Variants in ROR1 observed in about 807,000 individuals in gnomAD.
ROR1 encodes inactive tyrosine-protein kinase transmembrane receptor ROR1.
ROR1 carries 19 observed loss-of-function variants against 78.8 expected under a neutral mutation model. That is an observed-to-expected ratio of 0.24 (90% CI 0.17 to 0.35). The LOEUF is 0.35. Ranked by LOEUF, ROR1 falls within the 10% of genes least tolerant of loss-of-function variation. The pLI, the probability that ROR1 is intolerant of heterozygous loss-of-function variation, is 1.00. For synonymous variants in ROR1, 386 were observed against 433.6 expected (o/e 0.89, Z 1.36); for missense variants, 917 against 1,177.8 (o/e 0.78, Z 3.24).
At chr1:64,064,481 G>C (rs1646941253) in intron 4 of ROR1, among the ~76,000 whole-genome samples, 1 of 152,210 alleles carries the variant, frequency 6.6e-6, no homozygotes, top group African/African-American at 2.4e-5. Context: ...GCCTGCAGAG[G>C]TCATCTGCCT....
chr1:63,796,796 T>G (rs1644763927), intron 1 of ROR1, among the ~76,000 whole-genome samples: 1 of 151,964 alleles, frequency 6.6e-6, no homozygotes, highest in South Asian at 2.1e-4. Flanking sequence ...AGAGTCGAGG[T>G]GACTGAAGGT....
chr1:63,835,223 T>A (rs1311649551), intron 1 of ROR1, among the ~76,000 whole-genome samples: 1 of 152,236 alleles, frequency 6.6e-6, no homozygotes, highest in Non-Finnish European at 1.5e-5. Context: ...GAGCCCTTGC[T>A]CACTCATTTT....
intron 1 of ROR1, among the ~76,000 whole-genome samples, chr1:63,925,695 TG>T (rs1327453878): frequency 2.0e-5 from 3 of 150,366 alleles, no homozygotes; most frequent in East Asian, 3.9e-4. Context: ...GACTTTTTAA[TG>T]ATTGCCATTC....
intron 2 of ROR1, among the ~76,000 whole-genome samples, chr1:64,020,109 G>A (rs1403872489): frequency 6.6e-6 from 1 of 152,194 alleles, no homozygotes; most frequent in African/African-American, 2.4e-5. Flanking sequence ...CCACCAGAAA[G>A]AGTGTGGCTC....
At chr1:64,038,838 T>C (rs1416848444) in intron 2 of ROR1, among the ~76,000 whole-genome samples, 1 of 152,208 alleles carries the variant, frequency 6.6e-6, no homozygotes, top group Non-Finnish European at 1.5e-5. Context: ...GTGATCAGTT[T>C]AAGGAGCCAC....
Position 63,862,391 on chromosome 1 carries a change from C to CAAA in ROR1, c.91+87904_91+87906dup, listed in dbSNP as rs1164915396. Among the ~76,000 whole-genome samples, 409 of 56,666 alleles carry CAAA rather than the reference C, an allele frequency of 7.2e-3. 21 individuals carry two copies. Among genetic ancestry groups the CAAA allele is most frequent in the African/African-American group, 0.023 (362 of 15,996 alleles). 37.2% of individuals were successfully genotyped at this position (56,666 alleles called of 152,430 possible). A position where few individuals can be genotyped will look rare whatever the true frequency, so the allele number is the denominator to read the frequency against. On this transcript the variant is annotated intron_variant, in intron 1 of 8. Transcript: ENST00000371079. ...CCTGGGAGACAGAGTGAGACTGTCT[C>CAAA]AAAAAAAAAAAAAAAAAAAAAAAGA...
intron 1 of ROR1, among the ~76,000 whole-genome samples, chr1:63,807,720 T>G (rs1644838216): frequency 6.6e-6 from 1 of 152,232 alleles, no homozygotes; most frequent in Non-Finnish European, 1.5e-5. Flanking sequence ...GTTTCTCAAG[T>G]TACTGTTCAG....
chr1:64,129,141 A>T (rs1648823796), intron 4 of ROR1, among the ~76,000 whole-genome samples: 1 of 152,164 alleles, frequency 6.6e-6, no homozygotes, highest in African/African-American at 2.4e-5. Context: ...TTTAACCACC[A>T]TCAGCAGAAG....
chr1:63,783,244 G>T (rs1644664173), intron 1 of ROR1, among the ~76,000 whole-genome samples: 1 of 152,124 alleles, frequency 6.6e-6, no homozygotes, highest in Non-Finnish European at 1.5e-5. Flanking sequence ...TTCACTGGGA[G>T]CCTGAAGACT....
chr1:64,071,710 A>T (rs1394754821), intron 4 of ROR1, among the ~76,000 whole-genome samples: 1 of 152,168 alleles, frequency 6.6e-6, no homozygotes, highest in Non-Finnish European at 1.5e-5. Flanking sequence ...GGGGAGAAGG[A>T]TGTGGATGTG....
intron 2 of ROR1, among the ~76,000 whole-genome samples, chr1:64,011,739 C>G (rs935001212): frequency 6.6e-6 from 1 of 152,142 alleles, no homozygotes; most frequent in Non-Finnish European, 1.5e-5. Context: ...CATCATCTTT[C>G]TCTAGAAGGT....
In ROR1 at chr1:63,783,226, G is replaced by A. The variant is rs552308277; in HGVS notation, c.91+8718G>A. ...TGAAGGGTGGAGGAGGAGAGAGAAG[G>A]AAGCAGTTTCACTGGGAGCCTGAAG... On this transcript the variant is annotated intron_variant, in intron 1 of 8. Transcript: ENST00000371079. Among the ~76,000 whole-genome samples the A allele has an allele frequency of 2.6e-5, 4 of 152,306 alleles. No individual in the cohort carries two copies. The South Asian group carries it at 8.3e-4, about 32-fold the overall frequency.
chr1:64,138,627 G>A (rs896538491), intron 5 of ROR1, among the ~76,000 whole-genome samples: 3 of 150,700 alleles, frequency 2.0e-5, no homozygotes, highest in Non-Finnish European at 4.4e-5. Flanking sequence ...CTCACTGCAA[G>A]CTCTGCTTCC....
In ROR1 at chr1:64,070,752, G is replaced by A. The variant is rs185459990; in HGVS notation, c.482+20036G>A. 5.9e-5 allele frequency among the ~76,000 whole-genome samples: 9 copies of A among 152,318 alleles called. No homozygotes were observed. In the East Asian group the frequency reaches 1.7e-3, roughly 29 times the overall value. ...GCCAGGCCAAGGCTTCACGGATATA[G>A]TGGTGAACAATACCAGGCAAACTCT... is the stretch of plus-strand genomic sequence containing the variant. On this transcript the variant is annotated intron_variant, in intron 4 of 8. Coordinates refer to ENST00000371079, the MANE Select transcript of ROR1 (RefSeq NM_005012.4).
At chr1:63,855,815 ATT>A (rs34479737) in intron 1 of ROR1, among the ~76,000 whole-genome samples, 30,340 of 147,868 alleles carry the variant, frequency 0.21, 3,318 homozygotes, top group Middle Eastern at 0.27. Context: ...CGCCCCACTA[ATT>A]TTTTTTTTTT....
intron 1 of ROR1, among the ~76,000 whole-genome samples, chr1:63,805,220 C>T (rs1644821263): frequency 6.6e-6 from 1 of 152,172 alleles, no homozygotes; most frequent in African/African-American, 2.4e-5. Context: ...AAAGCAGCAC[C>T]TGATCAGGGA....
At chr1:63,853,705 G>A (rs927649864) in intron 1 of ROR1, among the ~76,000 whole-genome samples, 1 of 152,210 alleles carries the variant, frequency 6.6e-6, no homozygotes, top group African/African-American at 2.4e-5. Context: ...TGGGGACACA[G>A]TAAGGAATCT....
intron 1 of ROR1, among the ~76,000 whole-genome samples, chr1:63,986,835 G>A (rs947143381): frequency 6.6e-6 from 1 of 151,576 alleles, no homozygotes; most frequent in Non-Finnish European, 1.5e-5. Flanking sequence ...AGGTCATGGC[G>A]GCAACAAGCC....
chr1:63,973,202 G>A (rs530687452), intron 1 of ROR1, among the ~76,000 whole-genome samples: 15 of 152,274 alleles, frequency 9.9e-5, no homozygotes, highest in African/African-American at 1.7e-4. Context: ...TGTCTCCTTC[G>A]CAGAGATCCT....
Sources: gnomAD v4.1 joint callset for allele counts (sites outside exome capture counted in the v4.1 genomes callset) on GRCh38, gnomAD v4.1.1 for gene constraint, MANE v1.5 for transcripts, NCBI Gene and HGNC (gene_info 2026-07-23, HGNC 2026-07-21) for gene names.